APAF1: variants seen among roughly 807,000 people sequenced by gnomAD.
APAF1 encodes the protein apoptotic peptidase activating factor 1, also known as apoptotic protease-activating factor 1.
APAF1 carries 91 observed loss-of-function variants against 152.4 expected under a neutral mutation model. That is an observed-to-expected ratio of 0.60 (90% CI 0.50 to 0.71). The LOEUF (loss-of-function observed/expected upper bound fraction) is 0.71. Among genes scored for constraint, APAF1 ranks in the 30% least tolerant of loss-of-function variants. The pLI is 0.00. For missense variants in APAF1, 1,283 were observed against 1,472.0 expected (o/e 0.87, Z 2.10); for synonymous variants, 484 against 494.1 (o/e 0.98, Z 0.27).
At chr12:98,689,600 C>T (rs1445995193) in intron 16 of APAF1, among the ~76,000 whole-genome samples, 1 of 152,220 alleles carries the variant, frequency 6.6e-6, no homozygotes, top group African/African-American at 2.4e-5. Flanking sequence ...GCTGGGACTT[C>T]AGGCGTGTGT....
chr12:98,694,904 T>G (rs2097708092), intron 16 of APAF1, among the ~76,000 whole-genome samples: 1 of 151,816 alleles, frequency 6.6e-6, no homozygotes, highest in African/African-American at 2.4e-5. Flanking sequence ...TTAGACAGTC[T>G]TGGTGTGTTG....
At chr12:98,671,443 T>C in intron 11 of APAF1, 92 bp from the exon 12 acceptor site, 2 of 1,246,766 alleles carry the variant, frequency 1.6e-6, no homozygotes, top group South Asian at 1.2e-5. Flanking sequence ...GAATATTTCA[T>C]TTAAGCTTTT....
At chr12:98,654,253 T>C (rs960026308) in intron 4 of APAF1, among the ~76,000 whole-genome samples, 2 of 152,232 alleles carry the variant, frequency 1.3e-5, no homozygotes, top group East Asian at 3.8e-4. Context: ...TTTTCTCTTT[T>C]CTTGCATGTA....
chr12:98,685,368 G>A (rs1460495330), intron 15 of APAF1, among the ~76,000 whole-genome samples: 1 of 141,348 alleles, frequency 7.1e-6, no homozygotes. Context: ...ATGGCATCTT[G>A]CTCTGTCGCC....
intron 9 of APAF1, among the ~76,000 whole-genome samples, 197 bp from the exon 10 acceptor site, chr12:98,667,316 A>C (rs1026546228): frequency 2.0e-5 from 3 of 151,414 alleles, no homozygotes; most frequent in African/African-American, 7.3e-5. Context: ...ATATCTCTCT[A>C]TGTTGCCCAG....
chr12:98,731,551 T>C (rs1374944237), intron 26 of APAF1, among the ~76,000 whole-genome samples: 1 of 152,236 alleles, frequency 6.6e-6, no homozygotes, highest in African/African-American at 2.4e-5. Flanking sequence ...GGGTATACTT[T>C]TAGCAGTTAC....
Position 98,666,300 on chromosome 12 carries a change from T to C in APAF1, c.1305T>C (p.Tyr435=). The C allele has an allele frequency of 6.2e-7, 1 of 1,613,906 alleles. No homozygotes were observed. Among genetic ancestry groups the C allele is most frequent in the Non-Finnish European group, 8.5e-7 (1 of 1,179,932 alleles). Residue 435 remains tyrosine, a synonymous_variant, in exon 9 of 27, where the codon TAT becomes TAC. Coordinates refer to ENST00000551964, the MANE Select transcript of APAF1 (RefSeq NM_181861.2). Reference sequence around the variant, plus strand: ...ATCGGAATGGAAAGTCGTTTCGTTATTATTTACATGATCTTCAAGTAGATT... The same window carrying C: ...ATCGGAATGGAAAGTCGTTTCGTTACTATTTACATGATCTTCAAGTAGATT... ...FCDRNGKSFR[Y]YLHDLQVDFL...
In APAF1 at chr12:98,715,258, A is replaced by G. The variant is rs1218702066; in HGVS notation, c.2959-169A>G. Among the ~76,000 whole-genome samples the G allele has an allele frequency of 2.4e-5, 3 of 123,166 alleles. 1 individual carries two copies. In the South Asian group the frequency reaches 8.1e-4, roughly 33 times the overall value. 80.8% of individuals were successfully genotyped at this position (123,166 alleles called of 152,430 possible). A position where few individuals can be genotyped will look rare whatever the true frequency, so the allele number is the denominator to read the frequency against. The stretch of plus-strand genomic sequence containing the variant: ...TGCATATATATATATATATATATAT[A>G]TATATATATATATATATATATATGA... On this transcript the variant is annotated intron_variant, in intron 21 of 26. Transcript: ENST00000551964.
rs780260375 is a variant in APAF1, at chr12:98,683,271, C to T, written c.2175C>T (p.Leu725=). ...CCACTGGGTCAAGTGACTGCTTCCT[C>T]AAAGTAAGTGTGGATATTGAGAATT... ...LLATGSSDCF[L]KLWDLNQKEC... Residue 725 remains leucine, a synonymous_variant, in exon 15 of 27, where the codon CTC becomes CTT. Transcript: ENST00000551964. 2 of 1,613,770 alleles carry T rather than the reference C, an allele frequency of 1.2e-6. No individual in the cohort carries two copies. The highest frequency in any genetic ancestry group is 3.3e-5 in the Admixed American group (2 of 60,008).
At chr12:98,692,086 CATT>C (rs1481846040) in intron 16 of APAF1, among the ~76,000 whole-genome samples, 5 of 152,048 alleles carry the variant, frequency 3.3e-5, no homozygotes, top group Admixed American at 6.6e-5. Context: ...TTTTATGTTT[CATT>C]ATTATTTTTT....
intron 16 of APAF1, among the ~76,000 whole-genome samples, chr12:98,687,315 T>TCACGC (rs2097699005): frequency 6.8e-6 from 1 of 148,048 alleles, no homozygotes; most frequent in African/African-American, 2.5e-5. Context: ...TGAGCTGAGA[T>TCACGC]CACGCCACTC....
chr12:98,692,329 T>C (rs1241705537), intron 16 of APAF1, among the ~76,000 whole-genome samples: 2 of 152,100 alleles, frequency 1.3e-5, no homozygotes, highest in African/African-American at 4.8e-5. Context: ...GTGATCCGCC[T>C]GCCTCGGCCT....
chr12:98,666,428 A>G, intron 9 of APAF1, 71 bp downstream of exon 9: 1 of 1,455,504 alleles, frequency 6.9e-7, no homozygotes, highest in Non-Finnish European at 9.5e-7. Flanking sequence ...TTGAAAATTT[A>G]CAAAATAGTA....
intron 26 of APAF1, among the ~76,000 whole-genome samples, chr12:98,729,125 C>G (rs1370103429): frequency 1.3e-5 from 2 of 152,182 alleles, no homozygotes; most frequent in African/African-American, 4.8e-5. Context: ...AGAGGAGTGA[C>G]CAGACCAACC....
intron 4 of APAF1, among the ~76,000 whole-genome samples, chr12:98,656,574 C>G (rs1397342780): frequency 6.6e-6 from 1 of 152,208 alleles, no homozygotes; most frequent in Admixed American, 6.5e-5. Context: ...AGTACATTGC[C>G]AAATTCTGAT....
rs769794217 is a variant in APAF1, at chr12:98,680,429, G to T, written c.2046+27G>T. On this transcript the variant is annotated intron_variant, in intron 14 of 26. Transcript: ENST00000551964. ...TAGGAAAATCTTTTCCTCTTGAGTTGTAATCACAACAGAATTCATTTTATT... is the reference window on the plus strand; with the variant it reads ...TAGGAAAATCTTTTCCTCTTGAGTTTTAATCACAACAGAATTCATTTTATT... 6.8e-6 allele frequency: 11 copies of T among 1,608,616 alleles called. No individual in the cohort carries two copies. The Admixed American group carries it at 1.8e-4, about 27-fold the overall frequency.
At chr12:98,709,140 T>G (rs1304577397) in intron 20 of APAF1, among the ~76,000 whole-genome samples, 1 of 152,142 alleles carries the variant, frequency 6.6e-6, no homozygotes, top group Non-Finnish European at 1.5e-5. Flanking sequence ...GGAACTGAGG[T>G]GAAAGGAGCT....
intron 19 of APAF1, among the ~76,000 whole-genome samples, chr12:98,707,091 G>A (rs562933776): frequency 1.3e-5 from 2 of 152,144 alleles, no homozygotes; most frequent in South Asian, 4.2e-4. Flanking sequence ...CAGCTTCTAA[G>A]ATATTTTTTT....
At chr12:98,711,721 G>A (rs2097728086) in intron 20 of APAF1, among the ~76,000 whole-genome samples, 2 of 152,208 alleles carry the variant, frequency 1.3e-5, no homozygotes, top group Admixed American at 1.3e-4. Flanking sequence ...TGGGATTTAA[G>A]CATTGGTACA....
Sources: allele counts gnomAD v4.1 joint callset (sites outside exome capture counted in the v4.1 genomes callset), GRCh38; gene constraint gnomAD v4.1.1; transcripts MANE v1.5; gene names NCBI Gene and HGNC (gene_info 2026-07-23, HGNC 2026-07-21).